Variants in AKAP7 observed in about 807,000 individuals in gnomAD.
The protein encoded by AKAP7 is A kinase (PRKA) anchor protein 7.
Under a neutral mutation model 39.5 loss-of-function variants are expected in AKAP7, and 39 were observed. That is an observed-to-expected ratio of 0.99 (90% CI 0.76 to 1.29). AKAP7 has a LOEUF of 1.29. Among genes scored for constraint, AKAP7 ranks in the 50% most tolerant of loss-of-function variants. AKAP7 has a pLI of 0.00. For synonymous variants in AKAP7, 140 were observed against 139.1 expected (o/e 1.01, Z -0.05); for missense variants, 414 against 407.7 (o/e 1.02, Z -0.13).
intron 2 of AKAP7, among the ~76,000 whole-genome samples, chr6:131,158,662 A>G (rs934916810): frequency 2.0e-5 from 3 of 151,988 alleles, no homozygotes; most frequent in African/African-American, 7.3e-5. Flanking sequence ...TTGTGCTACC[A>G]TGCCTGTCTA....
chr6:131,224,402 A>G (rs1466464435), intron 7 of AKAP7, among the ~76,000 whole-genome samples: 1 of 152,176 alleles, frequency 6.6e-6, no homozygotes, highest in Non-Finnish European at 1.5e-5. Flanking sequence ...ATTTTATGGT[A>G]TACATTAATA....
At chr6:131,167,087 T>C (rs1351679746) in intron 4 of AKAP7, among the ~76,000 whole-genome samples, 2 of 152,198 alleles carry the variant, frequency 1.3e-5, no homozygotes, top group Non-Finnish European at 2.9e-5. Flanking sequence ...TGTCCTGTCT[T>C]AGTTTGAAAT....
chr6:131,187,583 G>T (rs1054176624), intron 5 of AKAP7, among the ~76,000 whole-genome samples: 1 of 152,086 alleles, frequency 6.6e-6, no homozygotes, highest in African/African-American at 2.4e-5. Flanking sequence ...ACAAGTTAGT[G>T]TAATTGTTTA....
intron 1 of AKAP7, among the ~76,000 whole-genome samples, chr6:131,136,555 A>AT (rs1338062637): frequency 6.6e-6 from 1 of 152,212 alleles, no homozygotes; most frequent in Non-Finnish European, 1.5e-5. Context: ...GGGAATGGAA[A>AT]TTGTTAAGGA....
intron 2 of AKAP7, among the ~76,000 whole-genome samples, chr6:131,153,546 C>A (rs1446824592): frequency 6.7e-6 from 1 of 149,878 alleles, no homozygotes; most frequent in Non-Finnish European, 1.5e-5. Flanking sequence ...TTTTTTTTTG[C>A]AAAATGGATT....
chr6:131,214,899 C>G lies in AKAP7; in HGVS notation c.703-4762C>G, dbSNP rs78139785. 7.3e-3 allele frequency among the ~76,000 whole-genome samples: 1,118 copies of G among 152,190 alleles called. 11 individuals are homozygous for G. Among genetic ancestry groups the G allele is most frequent in the African/African-American group, 0.026 (1,076 of 41,508 alleles). On this transcript the variant is annotated intron_variant, in intron 6 of 7. Transcript: ENST00000431975. Reference sequence around the variant, plus strand: ...TCTTCTTTTCAATATATTATTTTCTCTACTTATTCTGAATCTGTATCCAAG... The same window carrying G: ...TCTTCTTTTCAATATATTATTTTCTGTACTTATTCTGAATCTGTATCCAAG...
intron 7 of AKAP7, chr6:131,250,417 C>G (rs536493124): frequency 6.8e-7 from 1 of 1,460,186 alleles, no homozygotes; most frequent in South Asian, 1.5e-5. Context: ...TTCTCTCCCC[C>G]GGCGGCGTGT....
chr6:131,222,058 T>C (rs1050207959), intron 7 of AKAP7, among the ~76,000 whole-genome samples: 76 of 152,304 alleles, frequency 5.0e-4, no homozygotes, highest in Non-Finnish European at 6.3e-4. Context: ...TTGAAAACCT[T>C]CTGGAAAGGA....
chr6:131,174,465 C>A (rs981101237), intron 5 of AKAP7, among the ~76,000 whole-genome samples: 1 of 152,206 alleles, frequency 6.6e-6, no homozygotes, highest in Non-Finnish European at 1.5e-5. Context: ...CACTGGCTTG[C>A]GCCGATAATC....
intron 6 of AKAP7, among the ~76,000 whole-genome samples, chr6:131,202,742 TA>T (rs1807709977): frequency 6.6e-6 from 1 of 151,934 alleles, no homozygotes; most frequent in African/African-American, 2.4e-5. Flanking sequence ...ACATGTACCC[TA>T]AAACTTAAAG....
chr6:131,215,315 A>G (rs1809050366), intron 6 of AKAP7, among the ~76,000 whole-genome samples: 1 of 152,368 alleles, frequency 6.6e-6, no homozygotes, highest in Admixed American at 6.5e-5. Context: ...CAGAGCGGCC[A>G]GAGGAGAAGA....
intron 2 of AKAP7, among the ~76,000 whole-genome samples, chr6:131,146,454 A>C (rs1801496309): frequency 6.6e-6 from 1 of 152,180 alleles, no homozygotes; most frequent in Non-Finnish European, 1.5e-5. Flanking sequence ...ATTTTAGTAA[A>C]ATAAATAAAT....
chr6:131,275,957 G>A (rs1226603227), intron 7 of AKAP7, among the ~76,000 whole-genome samples: 3 of 152,146 alleles, frequency 2.0e-5, no homozygotes, highest in Non-Finnish European at 4.4e-5. Context: ...TTGAGACTCT[G>A]TCTCCCCTTT....
chr6:131,213,811 A>G (rs1382254846), intron 6 of AKAP7, among the ~76,000 whole-genome samples: 2 of 152,228 alleles, frequency 1.3e-5, no homozygotes, highest in Non-Finnish European at 2.9e-5. Context: ...GGCTAAGTAG[A>G]CAAACAATGA....
intron 1 of AKAP7, among the ~76,000 whole-genome samples, chr6:131,142,659 C>T (rs1045654960): frequency 1.3e-5 from 2 of 152,228 alleles, no homozygotes; most frequent in African/African-American, 4.8e-5. Flanking sequence ...TTGGAGCCCC[C>T]ACCCAGAGTC....
chr6:131,177,217 A>G (rs1804666562), intron 5 of AKAP7, among the ~76,000 whole-genome samples: 1 of 152,242 alleles, frequency 6.6e-6, no homozygotes, highest in South Asian at 2.1e-4. Flanking sequence ...GTCTTCGTTC[A>G]TTTTGTGTTG....
intron 2 of AKAP7, among the ~76,000 whole-genome samples, chr6:131,152,880 G>A (rs1562866591): frequency 6.7e-6 from 1 of 149,230 alleles, no homozygotes; most frequent in Non-Finnish European, 1.5e-5. Context: ...GGTAATCCCA[G>A]CACTTTGGGA....
chr6:131,137,897 T>C (rs958571828), intron 1 of AKAP7: 1 of 152,254 alleles, frequency 6.6e-6, no homozygotes, highest in Non-Finnish European at 1.5e-5. Flanking sequence ...CTGTTTAGCC[T>C]TTGGCCACAT....
At chr6:131,267,904 G>T (rs1274528043) in intron 7 of AKAP7, among the ~76,000 whole-genome samples, 1 of 152,098 alleles carries the variant, frequency 6.6e-6, no homozygotes, top group Non-Finnish European at 1.5e-5. Context: ...GTTTCCTAAG[G>T]CAGGGCCCAT....
Sources: gnomAD v4.1 joint callset for allele counts (sites outside exome capture counted in the v4.1 genomes callset) on GRCh38, gnomAD v4.1.1 for gene constraint, MANE v1.5 for transcripts, NCBI Gene and HGNC (gene_info 2026-07-23, HGNC 2026-07-21) for gene names.